UCK2: variants seen among roughly 807,000 people sequenced by gnomAD.
UCK2 encodes the protein cytidine monophosphokinase 2.
A neutral mutation model predicts 30.8 loss-of-function variants in UCK2; 6 were observed. The ratio of observed to expected loss-of-function variants is 0.19; its 90% CI spans 0.11 to 0.38. The LOEUF is 0.38. Ranked by LOEUF, UCK2 falls within the 10% of genes least tolerant of loss-of-function variation. The pLI, the probability that UCK2 is intolerant of heterozygous loss-of-function variation, is 1.00. For missense variants in UCK2, 210 were observed against 339.8 expected (o/e 0.62, Z 3.00); for synonymous variants, 125 against 133.6 (o/e 0.94, Z 0.45).
At chr1:165,834,721 CTTTT>C (rs960683086) in intron 1 of UCK2, among the ~76,000 whole-genome samples, 1 of 151,992 alleles carries the variant, frequency 6.6e-6, no homozygotes, top group African/African-American at 2.4e-5. Context: ...TTCTTTCTTT[CTTTT>C]TTTGTTTTTT....
At chr1:165,843,094 TTC>T (rs1350233813) in intron 1 of UCK2, among the ~76,000 whole-genome samples, 2 of 150,322 alleles carry the variant, frequency 1.3e-5, no homozygotes, top group African/African-American at 4.9e-5. Context: ...GTGTTTTTCT[TTC>T]TCTGACACCA....
At chr1:165,838,564 G>A (rs554314957) in intron 1 of UCK2, among the ~76,000 whole-genome samples, 21 of 152,254 alleles carry the variant, frequency 1.4e-4, no homozygotes, top group African/African-American at 5.1e-4. Flanking sequence ...CTCAGTTACT[G>A]CTTCTAATAC....
intron 1 of UCK2, among the ~76,000 whole-genome samples, chr1:165,829,017 G>GA (rs1490382857): frequency 4.6e-5 from 7 of 152,062 alleles, no homozygotes; most frequent in Non-Finnish European, 7.4e-5. Context: ...GCGCCATGAG[G>GA]AAAGAGCCAC....
At position 165,897,697 on chromosome 1, in the gene UCK2, C is replaced by T. The variant is rs1028810042; in HGVS notation, c.499+1365C>T. Among the ~76,000 whole-genome samples, 8 of 152,074 alleles carry T rather than the reference C, an allele frequency of 5.3e-5. No individual in the cohort carries two copies. The South Asian group carries it at 1.0e-3, about 20-fold the overall frequency. On this transcript the variant is annotated intron_variant, in intron 4 of 6. Coordinates refer to ENST00000367879, the MANE Select transcript of UCK2 (RefSeq NM_012474.5). Reference sequence around the variant, plus strand: ...ATCTGTAGTTTATCCCATTTAGCACCGTAATTGTAAGAACTATTCATGAGA... The same window carrying T: ...ATCTGTAGTTTATCCCATTTAGCACTGTAATTGTAAGAACTATTCATGAGA...
At chr1:165,834,721 CTTTTTTTG>C (rs992154466) in intron 1 of UCK2, among the ~76,000 whole-genome samples, 1 of 151,992 alleles carries the variant, frequency 6.6e-6, no homozygotes, top group African/African-American at 2.4e-5. Flanking sequence ...TTCTTTCTTT[CTTTTTTTG>C]TTTTTTTTAA....
intron 4 of UCK2, among the ~76,000 whole-genome samples, chr1:165,901,085 C>G (rs746855394): frequency 9.9e-5 from 15 of 152,068 alleles, no homozygotes; most frequent in Non-Finnish European, 1.3e-4. Context: ...CCTTAGGGCT[C>G]CTTCTTAGCG....
chr1:165,902,591 G>GTTTTTTTT (rs1557850463), intron 4 of UCK2: 6 of 38,892 alleles, frequency 1.5e-4, no homozygotes, highest in Admixed American at 3.6e-4. Context: ...TTCACTGAGT[G>GTTTTTTTT]ATTTTTTTTT....
rs1209764691 is a variant in UCK2, at chr1:165,841,107, G to T, written c.99+13175G>T. Reference sequence around the variant, plus strand: ...TGTGTGTGCACACGTATGTGTGTGTGTGTGTATATATATATATATATATAT... The same window carrying T: ...TGTGTGTGCACACGTATGTGTGTGTTTGTGTATATATATATATATATATAT... On this transcript the variant is annotated intron_variant, in intron 1 of 6. Transcript: ENST00000367879. 1.6e-4 allele frequency among the ~76,000 whole-genome samples: 4 copies of T among 24,276 alleles called. No individual in the cohort carries two copies. In the South Asian group the frequency reaches 8.6e-3, roughly 52 times the overall value. The allele number at this position is 24,276 out of a possible 152,430, so 15.9% of individuals were successfully genotyped here. A position where few individuals can be genotyped will look rare whatever the true frequency, so the allele number is the denominator to read the frequency against.
At chr1:165,835,679 A>G (rs1472789720) in intron 1 of UCK2, among the ~76,000 whole-genome samples, 1 of 152,204 alleles carries the variant, frequency 6.6e-6, no homozygotes, top group Non-Finnish European at 1.5e-5. Context: ...ATTTTAAAAC[A>G]TGTAGATGAA....
intron 1 of UCK2, among the ~76,000 whole-genome samples, chr1:165,829,245 C>T (rs1653979805): frequency 6.6e-6 from 1 of 152,104 alleles, no homozygotes; most frequent in Admixed American, 6.5e-5. Flanking sequence ...CTGTGTGCTC[C>T]CTGGTTGAAG....
chr1:165,902,041 C>G (rs1211668640), intron 4 of UCK2, among the ~76,000 whole-genome samples: 1 of 151,680 alleles, frequency 6.6e-6, no homozygotes, highest in East Asian at 1.9e-4. Flanking sequence ...CGAGACCATC[C>G]TGGCTAACAC....
intron 1 of UCK2, among the ~76,000 whole-genome samples, chr1:165,867,630 C>T (rs1408522301): frequency 1.3e-5 from 2 of 152,180 alleles, no homozygotes; most frequent in African/African-American, 2.4e-5. Context: ...ACTTGTTCAT[C>T]ATAAGAAACT....
intron 2 of UCK2, chr1:165,890,753 T>C (rs1384072244): frequency 4.0e-6 from 1 of 249,556 alleles, no homozygotes; most frequent in African/African-American, 2.2e-5. Flanking sequence ...GAGAGGGAGA[T>C]GGAGGGGCAG....
At chr1:165,895,212 T>C (rs1229151817) in intron 3 of UCK2, among the ~76,000 whole-genome samples, 2 of 152,094 alleles carry the variant, frequency 1.3e-5, no homozygotes, top group Non-Finnish European at 2.9e-5. Flanking sequence ...CCAGGAGTTA[T>C]AGACCAGCCT....
intron 1 of UCK2, among the ~76,000 whole-genome samples, chr1:165,828,296 G>A (rs1469222905): frequency 6.6e-6 from 1 of 152,184 alleles, no homozygotes; most frequent in Non-Finnish European, 1.5e-5. Flanking sequence ...CTTTCCGCAG[G>A]ATCCCCCACT....
chr1:165,846,615 T>C (rs1006898648), intron 1 of UCK2, among the ~76,000 whole-genome samples: 1 of 152,148 alleles, frequency 6.6e-6, no homozygotes, highest in Non-Finnish European at 1.5e-5. Context: ...AAACCACATG[T>C]AGAATTTAGT....
chr1:165,876,233 C>T (rs1452104319), intron 1 of UCK2, among the ~76,000 whole-genome samples: 1 of 152,216 alleles, frequency 6.6e-6, no homozygotes, highest in Admixed American at 6.5e-5. Context: ...ATGGCAGTTT[C>T]ACACATCTGC....
intron 1 of UCK2, among the ~76,000 whole-genome samples, chr1:165,838,216 C>T (rs980043859): frequency 6.6e-6 from 1 of 152,204 alleles, no homozygotes; most frequent in African/African-American, 2.4e-5. Flanking sequence ...GACCCATCTC[C>T]CTCTTCTTTC....
chr1:165,907,897 A>G lies in UCK2; in HGVS notation c.*74A>G, dbSNP rs755218379. 3 of 1,530,160 alleles carry G rather than the reference A, an allele frequency of 2.0e-6. No homozygotes were observed. Among genetic ancestry groups the G allele is most frequent in the South Asian group, 1.3e-5 (1 of 79,816 alleles). 94.8% of individuals were successfully genotyped at this position (1,530,160 alleles called of 1,614,324 possible). A position where few individuals can be genotyped will look rare whatever the true frequency, so the allele number is the denominator to read the frequency against. ...GTCAGGAGGCACTGCTCATCTGTAC[A>G]TACTGTTTCCTATGACATTACTGTA... On this transcript the variant is annotated 3_prime_UTR_variant, in exon 7 of 7. Transcript: ENST00000367879.
Sources: allele counts gnomAD v4.1 joint callset (sites outside exome capture counted in the v4.1 genomes callset), GRCh38; gene constraint gnomAD v4.1.1; transcripts MANE v1.5; gene names NCBI Gene and HGNC (gene_info 2026-07-23, HGNC 2026-07-21).